CALD1: variants seen among roughly 807,000 people sequenced by gnomAD.
CALD1 encodes the protein caldesmon 1.
In CALD1, 33 loss-of-function variants were observed where a neutral mutation model predicts 99.9. That is an observed-to-expected ratio of 0.33 (90% CI 0.25 to 0.44). The LOEUF (loss-of-function observed/expected upper bound fraction) is 0.44, where lower values mean the gene tolerates loss of function less well. Among genes scored for constraint, CALD1 ranks in the 20% least tolerant of loss-of-function variants. The probability of loss-of-function intolerance (pLI) is 1.00; values close to 1 mark genes in which losing one functional copy is unlikely to be tolerated. For synonymous variants in CALD1, 310 were observed against 325.0 expected (o/e 0.95, Z 0.50); for missense variants, 861 against 962.1 (o/e 0.89, Z 1.39).
chr7:134,952,126 C>T (rs549667527), intron 9 of CALD1, among the ~76,000 whole-genome samples: 1 of 152,080 alleles, frequency 6.6e-6, no homozygotes, highest in South Asian at 2.1e-4. Context: ...TCTGGTGAAA[C>T]CCCATCCCTA....
chr7:134,946,173 GATATAGAAATTATAGT>G (rs1371085319), intron 7 of CALD1, among the ~76,000 whole-genome samples: 4 of 151,954 alleles, frequency 2.6e-5, no homozygotes, highest in Admixed American at 2.6e-4. Context: ...TACTGTAGAT[GATATAGAAATTATAGT>G]ATATCAGTAT....
intron 3 of CALD1, among the ~76,000 whole-genome samples, chr7:134,892,413 C>G (rs1802267212): frequency 3.3e-5 from 5 of 152,210 alleles, no homozygotes; most frequent in Admixed American, 3.3e-4. Flanking sequence ...GTTTGAAAAA[C>G]TTACTGGGTC....
intron 6 of CALD1, among the ~76,000 whole-genome samples, chr7:134,936,823 G>T (rs1229853147): frequency 6.6e-6 from 1 of 152,182 alleles, no homozygotes; most frequent in African/African-American, 2.4e-5. Flanking sequence ...TGGTTTGGAA[G>T]TGAAAATTGA....
chr7:134,953,682 A>G (rs1378045711), intron 9 of CALD1, among the ~76,000 whole-genome samples: 1 of 106,092 alleles, frequency 9.4e-6, no homozygotes, highest in African/African-American at 3.7e-5. Context: ...TTTTTTTTTC[A>G]GGAGAAACTA....
chr7:134,857,748 G>C (rs1358234982), intron 2 of CALD1, among the ~76,000 whole-genome samples: 1 of 152,080 alleles, frequency 6.6e-6, no homozygotes. Flanking sequence ...TAAACTTCTA[G>C]AAGGTAGTTT....
intron 1 of CALD1, among the ~76,000 whole-genome samples, chr7:134,812,884 A>G (rs1038308504): frequency 4.6e-5 from 7 of 152,140 alleles, no homozygotes; most frequent in Non-Finnish European, 1.0e-4. Context: ...CCAGTGAGTT[A>G]TTAGATAGAG....
rs1241312246 is a variant in CALD1 at position 134,963,019 on chromosome 7, C to T, written c.2296-2287C>T. On this transcript the variant is annotated intron_variant, in intron 13 of 14. Coordinates refer to ENST00000361675, the MANE Select transcript of CALD1 (RefSeq NM_033138.4). ...TATTTTCTTAAAAGGACTCTTTAAA[C>T]TCTTTAAGTGATCTTGAAAGATTCA... 13 of 424,730 alleles carry T rather than the reference C, an allele frequency of 3.1e-5. No individual in the cohort carries two copies. In the East Asian group the frequency reaches 9.2e-4, roughly 30 times the overall value. 26.3% of individuals were successfully genotyped at this position (424,730 alleles called of 1,614,324 possible).
At chr7:134,946,749 C>T (rs1312719478) in intron 7 of CALD1, among the ~76,000 whole-genome samples, 1 of 151,366 alleles carries the variant, frequency 6.6e-6, no homozygotes, top group Non-Finnish European at 1.5e-5. Flanking sequence ...GGCACAATCT[C>T]GGCTCACTGC....
chr7:134,925,226 A>T (rs1804914961), intron 3 of CALD1, among the ~76,000 whole-genome samples: 1 of 152,162 alleles, frequency 6.6e-6, no homozygotes. Flanking sequence ...CTCCACTGAG[A>T]AATCAAAGAT....
rs143376015 is a variant in CALD1, at chr7:134,948,680, A to G, written c.1794+911A>G. Among the ~76,000 whole-genome samples, 564 of 151,486 alleles carry G rather than the reference A, an allele frequency of 3.7e-3. 2 individuals carry two copies. Among genetic ancestry groups the G allele is most frequent in the Non-Finnish European group, 6.0e-3 (410 of 67,778 alleles). The stretch of plus-strand genomic sequence containing the variant: ...ATCTCCCATCATTCAAAATATGAAG[A>G]AAAAAAAAGACTTTCAATGGCATTT... On this transcript the variant is annotated intron_variant, in intron 8 of 14. Transcript: ENST00000361675.
chr7:134,781,734 T>G (rs1797112585), intron 1 of CALD1, among the ~76,000 whole-genome samples: 1 of 152,252 alleles, frequency 6.6e-6, no homozygotes, highest in South Asian at 2.1e-4. Flanking sequence ...AGTGCAGGGT[T>G]GTTTCAAGTA....
upstream of CALD1, among the ~76,000 whole-genome samples, chr7:134,742,267 T>A (rs1039982977): frequency 2.6e-5 from 4 of 152,126 alleles, no homozygotes; most frequent in Non-Finnish European, 5.9e-5. Flanking sequence ...GTGAAAAAAC[T>A]CAAAGTGACA....
intron 9 of CALD1, among the ~76,000 whole-genome samples, chr7:134,956,176 G>T (rs756839952): frequency 6.6e-5 from 10 of 151,820 alleles, no homozygotes; most frequent in Non-Finnish European, 1.5e-4. Context: ...CAGAAAGAAT[G>T]AAATGCTCTT....
the CALD1 span, among the ~76,000 whole-genome samples, chr7:134,715,383 T>C: frequency 6.6e-6 from 1 of 152,192 alleles, no homozygotes; most frequent in African/African-American, 2.4e-5. Context: ...TGTCCCTGAA[T>C]TTGGGCCTGT....
At chr7:134,835,789 G>T (rs1799410327) in intron 1 of CALD1, among the ~76,000 whole-genome samples, 1 of 152,022 alleles carries the variant, frequency 6.6e-6, no homozygotes, top group African/African-American at 2.4e-5. Flanking sequence ...GGTTCAATTT[G>T]GCCAAACTGG....
At chr7:134,910,274 C>T (rs1250472466) in intron 3 of CALD1, among the ~76,000 whole-genome samples, 1 of 152,172 alleles carries the variant, frequency 6.6e-6, no homozygotes, top group African/African-American at 2.4e-5. Flanking sequence ...TGTAAACTGA[C>T]AAGACAGCCC....
rs1188685762 is a variant in CALD1, at chr7:134,920,433, C to A, written c.72-8321C>A. The A allele has an allele frequency of 6.7e-6, 6 of 893,678 alleles. No homozygotes were observed. In the East Asian group the frequency reaches 4.3e-4, roughly 65 times the overall value. The allele number at this position is 893,678 out of a possible 1,614,324, so 55.4% of individuals were successfully genotyped here. ...GTTCAGACAATGCCATTAGCAGAAC[C>A]AATAATGATGGGAATCAAATAAAAG... On this transcript the variant is annotated intron_variant, in intron 3 of 14. Transcript: ENST00000361675.
chr7:134,744,773 C>A (rs55655068), intron 1 of CALD1, among the ~76,000 whole-genome samples: 19,670 of 152,004 alleles, frequency 0.13, 1,467 homozygotes, highest in Non-Finnish European at 0.17. Flanking sequence ...TCTGCTCTTC[C>A]TTGAAGAGCC....
intron 1 of CALD1, among the ~76,000 whole-genome samples, chr7:134,780,941 C>A (rs1272420627): frequency 1.3e-5 from 2 of 152,142 alleles, no homozygotes; most frequent in Non-Finnish European, 2.9e-5. Flanking sequence ...ATGACTGATT[C>A]AACTGGATTT....
Sources: gnomAD v4.1 joint callset for allele counts (sites outside exome capture counted in the v4.1 genomes callset) on GRCh38, gnomAD v4.1.1 for gene constraint, MANE v1.5 for transcripts, NCBI Gene and HGNC (gene_info 2026-07-23, HGNC 2026-07-21) for gene names.